Variants in RBFOX1 observed in about 807,000 individuals in gnomAD.
The protein encoded by RBFOX1 is RNA binding protein fox-1 homolog 1.
Under a neutral mutation model 57.7 loss-of-function variants are expected in RBFOX1, and 8 were observed. That is an observed-to-expected ratio of 0.14 (90% CI 0.08 to 0.25). The LOEUF is 0.25. Among genes scored for constraint, RBFOX1 ranks in the 10% least tolerant of loss-of-function variants. RBFOX1 has a pLI of 1.00. For synonymous variants in RBFOX1, 326 were observed against 222.4 expected (o/e 1.47, Z -4.15); for missense variants, 611 against 548.5 (o/e 1.11, Z -1.14).
chr16:5,731,461 C>G (rs999804366), intron 3 of RBFOX1, among the ~76,000 whole-genome samples: 14 of 152,188 alleles, frequency 9.2e-5, no homozygotes, highest in Admixed American at 6.5e-4. Context: ...GGTACTGTTG[C>G]TATCCCCATT....
intron 13 of RBFOX1, among the ~76,000 whole-genome samples, chr16:7,670,142 C>G (rs1023140090): frequency 2.6e-5 from 4 of 152,140 alleles, no homozygotes; most frequent in Non-Finnish European, 5.9e-5. Context: ...AGCAATTCTC[C>G]TGCCTTAGCC....
At chr16:5,989,994 T>G (rs1469656698) in intron 4 of RBFOX1, among the ~76,000 whole-genome samples, 1 of 152,014 alleles carries the variant, frequency 6.6e-6, no homozygotes, top group East Asian at 1.9e-4. Flanking sequence ...CACCAGCCTT[T>G]TTGTTTGTTG....
intron 2 of RBFOX1, among the ~76,000 whole-genome samples, chr16:6,452,177 T>G (rs369006571): frequency 6.7e-6 from 1 of 148,220 alleles, no homozygotes; most frequent in Admixed American, 6.7e-5. Context: ...CATGGATCCT[T>G]CCTTCCATGA....
At chr16:5,669,129 G>A (rs891964562) in intron 3 of RBFOX1, among the ~76,000 whole-genome samples, 7 of 152,132 alleles carry the variant, frequency 4.6e-5, no homozygotes, top group Non-Finnish European at 1.0e-4. Flanking sequence ...ATCTCATGGA[G>A]CTGAAAATTC....
rs183485421 is a variant in RBFOX1, at chr16:7,421,027, G to C, written c.28-97120G>C. Among the ~76,000 whole-genome samples the C allele has an allele frequency of 1.9e-4, 29 of 151,500 alleles. 1 individual carries two copies. In the South Asian group the frequency reaches 5.8e-3, roughly 30 times the overall value. Reference sequence around the variant, plus strand: ...CAGACGTGGGAGGCGAAATTGTGACGCCTCCACTTGATGAACCATACCTGA... The same window carrying C: ...CAGACGTGGGAGGCGAAATTGTGACCCCTCCACTTGATGAACCATACCTGA... On this transcript the variant is annotated intron_variant, in intron 4 of 15. Coordinates refer to ENST00000550418, the MANE Select transcript of RBFOX1 (RefSeq NM_018723.4).
chr16:6,256,111 C>G (rs1005383213), intron 1 of RBFOX1, among the ~76,000 whole-genome samples: 1 of 135,512 alleles, frequency 7.4e-6, no homozygotes, highest in African/African-American at 2.7e-5. Flanking sequence ...ACATAGCAGT[C>G]TCTTATCTGT....
intron 3 of RBFOX1, among the ~76,000 whole-genome samples, chr16:5,681,455 C>A (rs556968306): frequency 6.8e-6 from 1 of 146,646 alleles, no homozygotes; most frequent in Admixed American, 7.0e-5. Flanking sequence ...ATGGTGTGAT[C>A]TCAGCTCACT....
chr16:7,397,766 G>T (rs2098166575), intron 4 of RBFOX1, among the ~76,000 whole-genome samples: 1 of 152,140 alleles, frequency 6.6e-6, no homozygotes, highest in Non-Finnish European at 1.5e-5. Context: ...TTAAGTAATA[G>T]ATTTACGGTG....
At chr16:6,985,227 C>A (rs773617211) in intron 3 of RBFOX1, among the ~76,000 whole-genome samples, 1 of 151,984 alleles carries the variant, frequency 6.6e-6, no homozygotes, top group African/African-American at 2.4e-5. Flanking sequence ...TTTCTCTGGC[C>A]TCTTGTCTTT....
intron 2 of RBFOX1, among the ~76,000 whole-genome samples, chr16:6,459,088 C>T (rs1036987070): frequency 3.3e-5 from 5 of 152,238 alleles, no homozygotes; most frequent in African/African-American, 1.2e-4. Context: ...GTAATCCCAG[C>T]ACTTTGGGAG....
At chr16:5,935,961 C>T (rs980029775) in intron 4 of RBFOX1, among the ~76,000 whole-genome samples, 6 of 152,140 alleles carry the variant, frequency 3.9e-5, no homozygotes, top group African/African-American at 9.7e-5. Context: ...TCAGGGCCTT[C>T]GTTCTGTAAA....
chr16:7,104,474 A>G (rs1326265380), intron 4 of RBFOX1, among the ~76,000 whole-genome samples: 1 of 152,182 alleles, frequency 6.6e-6, no homozygotes, highest in Non-Finnish European at 1.5e-5. Context: ...ACAAGGAAAG[A>G]GTAAAATTTA....
chr16:5,613,266 G>A (rs1299063751), intron 3 of RBFOX1, among the ~76,000 whole-genome samples: 1 of 152,222 alleles, frequency 6.6e-6, no homozygotes, highest in African/African-American at 2.4e-5. Context: ...TCAAGGCTCA[G>A]AACACACATA....
intron 1 of RBFOX1, among the ~76,000 whole-genome samples, chr16:6,312,678 T>G (rs2080497586): frequency 6.7e-6 from 1 of 148,416 alleles, no homozygotes; most frequent in Non-Finnish European, 1.5e-5. Flanking sequence ...CCTTCCTTCC[T>G]TCCTTCCTTC....
chr16:7,153,615 AG>A (rs535406946), intron 4 of RBFOX1, among the ~76,000 whole-genome samples: 4 of 141,080 alleles, frequency 2.8e-5, no homozygotes, highest in East Asian at 4.3e-4. Context: ...TGGTGGGGGG[AG>A]GGGGGCGCCT....
At chr16:6,678,230 T>G (rs1261996414) in intron 3 of RBFOX1, among the ~76,000 whole-genome samples, 1 of 152,182 alleles carries the variant, frequency 6.6e-6, no homozygotes, top group Non-Finnish European at 1.5e-5. Context: ...GTTCAAGCAT[T>G]TATCCAACTT....
chr16:6,290,326 T>G (rs2077343316), intron 1 of RBFOX1, among the ~76,000 whole-genome samples: 1 of 148,720 alleles, frequency 6.7e-6, no homozygotes, highest in Non-Finnish European at 1.5e-5. Context: ...AACCTGTGGT[T>G]TTAAGGAAAA....
At chr16:5,541,130 A>G (rs535801540) in intron 2 of RBFOX1, among the ~76,000 whole-genome samples, 38 of 152,286 alleles carry the variant, frequency 2.5e-4, no homozygotes, top group Non-Finnish European at 2.5e-4. Context: ...GATTACAGAC[A>G]TGAGCCTCCA....
intron 3 of RBFOX1, among the ~76,000 whole-genome samples, chr16:5,827,322 C>T (rs1244008381): frequency 6.6e-6 from 1 of 151,206 alleles, no homozygotes; most frequent in Non-Finnish European, 1.5e-5. Context: ...ATTGCTTGAG[C>T]CCAGGGGGCG....
Sources: gnomAD v4.1 joint callset for allele counts (sites outside exome capture counted in the v4.1 genomes callset) on GRCh38, gnomAD v4.1.1 for gene constraint, MANE v1.5 for transcripts, NCBI Gene and HGNC (gene_info 2026-07-23, HGNC 2026-07-21) for gene names.